The following UACA variants were observed in gnomAD, a reference collection of about 807,000 sequenced individuals.
UACA encodes the protein uveal autoantigen with coiled-coil domains and ankyrin repeats, also known as nuclear membrane binding protein.
UACA carries 112 observed loss-of-function variants against 160.5 expected under a neutral mutation model. That is an observed-to-expected ratio of 0.70 (90% CI 0.60 to 0.82). The LOEUF is 0.82. Among genes scored for constraint, UACA ranks in the 40% least tolerant of loss-of-function variants. The probability of loss-of-function intolerance (pLI) is 0.00; values close to 1 mark genes in which losing one functional copy is unlikely to be tolerated. For missense variants in UACA, 1,574 were observed against 1,614.6 expected (o/e 0.97, Z 0.43); for synonymous variants, 557 against 568.4 (o/e 0.98, Z 0.29).
Position 70,763,438 on chromosome 15 carries a change from C to A in UACA, c.-31G>T. 1 of 1,287,840 alleles carries A rather than the reference C, an allele frequency of 7.8e-7. No individual in the cohort carries two copies. Among genetic ancestry groups the A allele is most frequent in the South Asian group, 2.6e-5 (1 of 38,608 alleles). 79.8% of individuals were successfully genotyped at this position (1,287,840 alleles called of 1,614,324 possible). ...ACTCTTGCCTGGCCCCCGCGCGAAC[C>A]TTAAAGGCTGCGGAGTGCCAGCGCG... On this transcript the variant is annotated 5_prime_UTR_variant, in exon 1 of 19. In the 5' UTR this introduces an upstream ATG that the reference lacks. Transcript: ENST00000322954.
chr15:70,699,397 G>T, intron 2 of UACA, 130 bp downstream of exon 2: 1 of 1,013,986 alleles, frequency 9.9e-7, no homozygotes, highest in East Asian at 2.4e-5. Context: ...TTGTTTGAAA[G>T]ATTTTATAGT....
the UACA span, among the ~76,000 whole-genome samples, chr15:70,774,545 C>CAAAA: frequency 1.3e-4 from 11 of 82,466 alleles, no homozygotes; most frequent in Admixed American, 5.0e-4. Context: ...GACTCTGTCT[C>CAAAA]AAAAAAAAAA....
At position 70,761,726 on chromosome 15, in the gene UACA, T is replaced by C. The variant is rs138689056; in HGVS notation, c.78+1604A>G. ...CTTTATTATGTCATTTTGAGAAAAA[T>C]AGAACGCTCAATTGAGTGCTAAAGA... On this transcript the variant is annotated intron_variant, in intron 1 of 18. Coordinates refer to ENST00000322954, the MANE Select transcript of UACA (RefSeq NM_018003.4). Among the ~76,000 whole-genome samples, 6 of 152,250 alleles carry C rather than the reference T, an allele frequency of 3.9e-5. No individual in the cohort carries two copies. The East Asian group carries it at 5.8e-4, about 15-fold the overall frequency.
chr15:70,669,693 T>C (rs1439390067), intron 15 of UACA, among the ~76,000 whole-genome samples: 5 of 152,194 alleles, frequency 3.3e-5, no homozygotes, highest in African/African-American at 1.2e-4. Flanking sequence ...TTCACGTAAG[T>C]CTATTTCTGG....
rs1382637908 is a variant in UACA, at chr15:70,677,118, A to G, written c.1022T>C (p.Leu341Pro). The G allele has an allele frequency of 6.2e-7, 1 of 1,603,906 alleles. No individual in the cohort carries two copies. The highest frequency in any genetic ancestry group is 8.5e-7 in the Non-Finnish European group (1 of 1,175,084). ...AAAATGTCACCCTACCTCGCTTTCCAGATCATCAGCAACCATAACTTCCTA... is the reference window on the plus strand; with the variant it reads ...AAAATGTCACCCTACCTCGCTTTCCGGATCATCAGCAACCATAACTTCCTA... Reference protein sequence around the residue: ...LNEEVMVADDLESEREKLKSL... With the variant: ...LNEEVMVADDPESEREKLKSL... Residue 341 changes from leucine to proline, a missense_variant, in exon 12 of 19, where the codon CTG (leucine) becomes CCG (proline). Physicochemically the swap from Leu to Pro is moderately conservative, Grantham distance 98. Transcript: ENST00000322954.
intron 1 of UACA, among the ~76,000 whole-genome samples, chr15:70,736,991 A>T (rs1192203099): frequency 6.6e-6 from 1 of 151,980 alleles, no homozygotes; most frequent in Non-Finnish European, 1.5e-5. Context: ...AACTCAGGAC[A>T]CTCTTTGGTT....
At chr15:70,662,839 T>C (rs1896761223) in intron 17 of UACA, among the ~76,000 whole-genome samples, 1 of 152,152 alleles carries the variant, frequency 6.6e-6, no homozygotes, top group East Asian at 1.9e-4. Context: ...ATCCCTTCCT[T>C]ACACCTTATA....
At chr15:70,777,787 A>G in the UACA span, among the ~76,000 whole-genome samples, 1 of 152,226 alleles carries the variant, frequency 6.6e-6, no homozygotes, top group African/African-American at 2.4e-5. Flanking sequence ...TGGAGACTAC[A>G]TTAATAAGCA....
intron 18 of UACA, 109 bp downstream of exon 18, chr15:70,660,042 G>C (rs1242559042): frequency 8.7e-6 from 7 of 806,194 alleles, no homozygotes; most frequent in Non-Finnish European, 9.7e-6. Context: ...AATAAGCATA[G>C]GGGGTGCAGC....
At chr15:70,695,200 G>A (rs898104091) in intron 2 of UACA, 95 bp from the exon 3 acceptor site, 25 of 726,762 alleles carry the variant, frequency 3.4e-5, no homozygotes, top group South Asian at 2.0e-4. Context: ...ACACACACAC[G>A]CACACAAACA....
At chr15:70,698,383 T>C (rs2140964066) in intron 2 of UACA, among the ~76,000 whole-genome samples, 1 of 152,338 alleles carries the variant, frequency 6.6e-6, no homozygotes, top group South Asian at 2.1e-4. Flanking sequence ...ATATCACTTT[T>C]GGATATTAAA....
the UACA span, among the ~76,000 whole-genome samples, chr15:70,775,325 A>G: frequency 4.3e-4 from 66 of 152,322 alleles, no homozygotes; most frequent in African/African-American, 1.6e-3. Flanking sequence ...AAAATTCTTG[A>G]AAATCTACCA....
In UACA at chr15:70,676,482, C is replaced by T. The variant is rs1348151666; in HGVS notation, c.1131+11G>A. 1 of 1,558,330 alleles carries T rather than the reference C, an allele frequency of 6.4e-7. No homozygotes were observed. Among genetic ancestry groups the T allele is most frequent in the African/African-American group, 1.4e-5 (1 of 73,664 alleles). On this transcript the variant is annotated intron_variant, in intron 13 of 18. Transcript: ENST00000322954. ...TTATGAATTACAGGAAATAATTTATCCTTTCTATACCTCAAAATATTTAAA... is the reference window on the plus strand; with the variant it reads ...TTATGAATTACAGGAAATAATTTATTCTTTCTATACCTCAAAATATTTAAA...
chr15:70,769,972 G>A, the UACA span, among the ~76,000 whole-genome samples: 7 of 152,140 alleles, frequency 4.6e-5, no homozygotes, highest in Non-Finnish European at 1.5e-5. Context: ...ACTCTAGCCT[G>A]GGCAACACAG....
chr15:70,686,897 C>A (rs570159401), intron 7 of UACA, among the ~76,000 whole-genome samples: 1 of 152,156 alleles, frequency 6.6e-6, no homozygotes, highest in East Asian at 1.9e-4. Context: ...ACAACAAGCA[C>A]CATGATACAT....
intron 1 of UACA, chr15:70,758,220 A>G (rs1320016188): frequency 6.6e-6 from 1 of 152,222 alleles, no homozygotes; most frequent in Non-Finnish European, 1.5e-5. Context: ...TCAAATCAAC[A>G]TAATGTTCTG....
chr15:70,666,728 T>C lies in UACA; in HGVS notation c.3956A>G (p.Asn1319Ser), dbSNP rs766957344. The change falls in exon 16 of 19, where the codon AAT (asparagine) becomes AGT (serine). Residue 1319 changes from asparagine to serine, a missense_variant. Transcript: ENST00000322954. ...TGCAGACTACTTTGTACCTACCTTA[T>C]TATCTTTTGCTTCTATTTGTTTAGC... ...ESAKQIEAKD[N>S]KITELLNDVE... 5 of 1,602,046 alleles carry C rather than the reference T, an allele frequency of 3.1e-6. No homozygotes were observed. Among genetic ancestry groups the C allele is most frequent in the Admixed American group, 3.5e-5 (2 of 57,942 alleles).
At chr15:70,664,121 T>C (rs1016954892) in intron 17 of UACA, among the ~76,000 whole-genome samples, 3 of 152,216 alleles carry the variant, frequency 2.0e-5, no homozygotes, top group Non-Finnish European at 4.4e-5. Flanking sequence ...TCCTTGTAAG[T>C]GGCAGGACTT....
chr15:70,686,415 T>C (rs143303113), intron 7 of UACA, among the ~76,000 whole-genome samples: 86 of 151,848 alleles, frequency 5.7e-4, no homozygotes, highest in African/African-American at 2.0e-3. Flanking sequence ...TTAAGCTTTG[T>C]CTGGAGAATT....
Sources: allele counts gnomAD v4.1 joint callset (sites outside exome capture counted in the v4.1 genomes callset), GRCh38; gene constraint gnomAD v4.1.1; transcripts MANE v1.5; gene names NCBI Gene and HGNC (gene_info 2026-07-23, HGNC 2026-07-21).